CDH13: variants seen among roughly 807,000 people sequenced by gnomAD.
The protein encoded by CDH13 is cadherin 13, also known as cadherin-13.
Under a neutral mutation model 63.8 loss-of-function variants are expected in CDH13, and 24 were observed. The observed-to-expected ratio is 0.38, with a 90% CI of 0.27 to 0.53. The LOEUF (loss-of-function observed/expected upper bound fraction) is 0.53, where lower values mean the gene tolerates loss of function less well. Ranked by LOEUF, CDH13 falls within the 20% of genes least tolerant of loss-of-function variation. The pLI, the probability that CDH13 is intolerant of heterozygous loss-of-function variation, is 0.85. For missense variants in CDH13, 1,049 were observed against 903.1 expected (o/e 1.16, Z -2.07); for synonymous variants, 503 against 355.3 (o/e 1.42, Z -4.67).
chr16:83,235,016 G>A (rs370754469), intron 5 of CDH13, among the ~76,000 whole-genome samples: 2 of 152,262 alleles, frequency 1.3e-5, no homozygotes, highest in Admixed American at 6.5e-5. Context: ...GGGCAACATA[G>A]AGATTCCATC....
intron 6 of CDH13, among the ~76,000 whole-genome samples, chr16:83,379,260 G>T (rs1163534811): frequency 4.6e-5 from 7 of 152,118 alleles, no homozygotes; most frequent in Admixed American, 6.5e-5. Flanking sequence ...TCTCCCTCAA[G>T]TGTCAACTAA....
Position 83,486,596 on chromosome 16 carries a change from A to G in CDH13, c.901A>G (p.Ile301Val), listed in dbSNP as rs772434063. ...PDKPSPNMFY[I>V]DPEKGDIVTV... Reference sequence around the variant, plus strand: ...CAAGCCATCTCCCAACATGTTCTACATCGATCCTGAGAAAGGAGACATTGT... The same window carrying G: ...CAAGCCATCTCCCAACATGTTCTACGTCGATCCTGAGAAAGGAGACATTGT... Residue 301 changes from isoleucine (I) to valine (V), a missense_variant, in exon 7 of 14, where the codon ATC becomes GTC. Physicochemically the swap from Ile to Val is conservative, Grantham distance 29. Coordinates refer to ENST00000567109, the MANE Select transcript of CDH13 (RefSeq NM_001257.5). The G allele has an allele frequency of 2.5e-6, 4 of 1,613,952 alleles. No individual in the cohort carries two copies. The highest frequency in any genetic ancestry group is 3.4e-6 in the Non-Finnish European group (4 of 1,179,834).
At chr16:83,383,565 C>G (rs984818696) in intron 6 of CDH13, among the ~76,000 whole-genome samples, 2 of 152,120 alleles carry the variant, frequency 1.3e-5, no homozygotes, top group Non-Finnish European at 2.9e-5. Flanking sequence ...TTCCTCTTCT[C>G]CCATTAGTAT....
At position 82,883,834 on chromosome 16, in the gene CDH13, C is replaced by T. The variant is rs144671305; in HGVS notation, c.157+25361C>T. On this transcript the variant is annotated intron_variant, in intron 2 of 13. Transcript: ENST00000567109. ...TGTCCTTACTCTGTGCCTGGGACAGCTTTAGGGCTTAATGAACATAACAGA... is the reference window on the plus strand; with the variant it reads ...TGTCCTTACTCTGTGCCTGGGACAGTTTTAGGGCTTAATGAACATAACAGA... Among the ~76,000 whole-genome samples the T allele has an allele frequency of 3.4e-3, 512 of 152,308 alleles. 3 individuals are homozygous for T. Among genetic ancestry groups the T allele is most frequent in the African/African-American group, 0.011 (461 of 41,570 alleles).
chr16:83,194,532 T>G (rs966128011), intron 4 of CDH13, among the ~76,000 whole-genome samples: 7 of 152,114 alleles, frequency 4.6e-5, no homozygotes, highest in African/African-American at 1.7e-4. Context: ...ATTTCTCACC[T>G]CCCATTCAGG....
At chr16:82,685,740 CT>C in intron 1 of CDH13, among the ~76,000 whole-genome samples, 1 of 152,184 alleles carries the variant, frequency 6.6e-6, no homozygotes, top group Non-Finnish European at 1.5e-5. Context: ...CTTCAGTTGG[CT>C]TTTATCTCTT....
intron 7 of CDH13, among the ~76,000 whole-genome samples, chr16:83,544,374 G>A (rs548361901): frequency 2.0e-5 from 3 of 151,926 alleles, no homozygotes; most frequent in Admixed American, 6.6e-5. Flanking sequence ...CTCAACTTAC[G>A]ATGGGTTTAT....
intron 2 of CDH13, among the ~76,000 whole-genome samples, chr16:82,924,270 G>C (rs1381564800): frequency 3.1e-5 from 4 of 127,232 alleles, no homozygotes; most frequent in Admixed American, 2.9e-4. Context: ...TGATAATGCT[G>C]AATAGCAGCC....
At chr16:83,054,726 A>G (rs563365317) in intron 3 of CDH13, among the ~76,000 whole-genome samples, 1 of 152,316 alleles carries the variant, frequency 6.6e-6, no homozygotes, top group Admixed American at 6.5e-5. Context: ...GTCAAAATAG[A>G]AAAACCCATC....
chr16:83,673,983 T>C (rs565490106), intron 9 of CDH13, among the ~76,000 whole-genome samples: 229 of 152,282 alleles, frequency 1.5e-3, no homozygotes, highest in Non-Finnish European at 2.8e-3. Flanking sequence ...TCACCCCACA[T>C]TGGCTGCCTC....
intron 4 of CDH13, among the ~76,000 whole-genome samples, chr16:83,217,071 AACTGGCATTATTGCCCTCCTT>A (rs2039558428): frequency 6.6e-6 from 1 of 152,210 alleles, no homozygotes; most frequent in East Asian, 1.9e-4. Flanking sequence ...ACTTTGACTG[AACTGGCATTATTGCCCTCCTT>A]GATCCATCAC....
chr16:82,697,179 G>A (rs918855632), intron 1 of CDH13, among the ~76,000 whole-genome samples: 3 of 152,142 alleles, frequency 2.0e-5, no homozygotes, highest in African/African-American at 7.2e-5. Context: ...CCTGAAGGGA[G>A]AAAGATCAAA....
chr16:83,219,884 A>T (rs527266398), intron 5 of CDH13, among the ~76,000 whole-genome samples: 2 of 152,324 alleles, frequency 1.3e-5, no homozygotes, highest in African/African-American at 4.8e-5. Context: ...TTTCGGAATA[A>T]ACTGGCTTGA....
chr16:82,780,650 A>G (rs2035712618), intron 1 of CDH13, among the ~76,000 whole-genome samples: 1 of 152,240 alleles, frequency 6.6e-6, no homozygotes, highest in Non-Finnish European at 1.5e-5. Context: ...GGGAAGATTC[A>G]TGGTTTAATA....
intron 6 of CDH13, among the ~76,000 whole-genome samples, chr16:83,379,634 T>C (rs1029259306): frequency 6.6e-6 from 1 of 152,056 alleles, no homozygotes; most frequent in African/African-American, 2.4e-5. Flanking sequence ...TTTGCCAGGC[T>C]CCTGGTTTAT....
At chr16:83,667,014 G>T (rs997212925) in intron 8 of CDH13, among the ~76,000 whole-genome samples, 2 of 129,476 alleles carry the variant, frequency 1.5e-5, no homozygotes, top group African/African-American at 5.5e-5. Flanking sequence ...TGGATGGATG[G>T]ATGGATGGAT....
intron 6 of CDH13, among the ~76,000 whole-genome samples, chr16:83,425,842 T>C (rs1470446994): frequency 2.0e-5 from 3 of 152,148 alleles, no homozygotes; most frequent in Non-Finnish European, 4.4e-5. Flanking sequence ...CATTTATTCA[T>C]TCAACAATTA....
At chr16:83,714,282 C>T (rs1908552137) in intron 10 of CDH13, among the ~76,000 whole-genome samples, 1 of 152,050 alleles carries the variant, frequency 6.6e-6, no homozygotes, top group African/African-American at 2.4e-5. Context: ...TATTAATATC[C>T]CTGTCCCTAA....
intron 4 of CDH13, among the ~76,000 whole-genome samples, chr16:83,126,147 T>G (rs922111179): frequency 2.0e-5 from 3 of 152,202 alleles, no homozygotes; most frequent in African/African-American, 7.2e-5. Flanking sequence ...AAACAAGTGC[T>G]CAGTGCCGCA....
Sources: gnomAD v4.1 joint callset for allele counts (sites outside exome capture counted in the v4.1 genomes callset) on GRCh38, gnomAD v4.1.1 for gene constraint, MANE v1.5 for transcripts, NCBI Gene and HGNC (gene_info 2026-07-23, HGNC 2026-07-21) for gene names.